ESRRG: variants seen among roughly 807,000 people sequenced by gnomAD.
ESRRG encodes the protein estrogen-related receptor gamma.
In ESRRG, 13 loss-of-function variants were observed where a neutral mutation model predicts 44.0. The observed-to-expected ratio is 0.30, with a 90% CI of 0.19 to 0.47. The LOEUF (loss-of-function observed/expected upper bound fraction) is 0.47. Ranked by LOEUF, ESRRG falls within the 20% of genes least tolerant of loss-of-function variation. The pLI, the probability that ESRRG is intolerant of heterozygous loss-of-function variation, is 1.00. For synonymous variants in ESRRG, 215 were observed against 214.6 expected (o/e 1.00, Z -0.02); for missense variants, 395 against 580.6 (o/e 0.68, Z 3.29).
chr1:216,745,476 C>A (rs1248131006), intron 2 of ESRRG, among the ~76,000 whole-genome samples: 1 of 152,186 alleles, frequency 6.6e-6, no homozygotes, highest in Non-Finnish European at 1.5e-5. Context: ...CAGGCATGAG[C>A]CACCATGCCC....
intron 1 of ESRRG, among the ~76,000 whole-genome samples, chr1:217,067,177 A>T (rs1029653095): frequency 6.6e-6 from 1 of 152,244 alleles, no homozygotes; most frequent in Non-Finnish European, 1.5e-5. Flanking sequence ...GATCCATAAG[A>T]ATTGATCCTT....
intron 2 of ESRRG, among the ~76,000 whole-genome samples, chr1:216,729,063 C>G: frequency 6.6e-6 from 1 of 152,156 alleles, no homozygotes; most frequent in Admixed American, 6.6e-5. Flanking sequence ...AGGGATGAGG[C>G]TTTGTACTGG....
At chr1:216,978,876 C>T (rs1323790084) in intron 1 of ESRRG, among the ~76,000 whole-genome samples, 2 of 152,082 alleles carry the variant, frequency 1.3e-5, no homozygotes, top group South Asian at 2.1e-4. Flanking sequence ...CCCCAGAGAG[C>T]TCAAATTCTG....
intron 1 of ESRRG, among the ~76,000 whole-genome samples, chr1:217,123,765 G>T (rs2092854371): frequency 6.6e-6 from 1 of 152,070 alleles, no homozygotes; most frequent in Non-Finnish European, 1.5e-5. Flanking sequence ...GGAGAGTAGG[G>T]GGGCAGCAAG....
chr1:216,627,170 A>G (rs2063321033), intron 3 of ESRRG, among the ~76,000 whole-genome samples: 1 of 152,224 alleles, frequency 6.6e-6, no homozygotes, highest in East Asian at 1.9e-4. Context: ...AATAATAAAC[A>G]TCTCGAATCC....
chr1:216,875,371 C>T (rs1169946216), intron 2 of ESRRG, among the ~76,000 whole-genome samples: 1 of 152,276 alleles, frequency 6.6e-6, no homozygotes, highest in African/African-American at 2.4e-5. Context: ...TCCCCTCAGA[C>T]CCTCTAAATC....
In ESRRG at chr1:216,507,016, G is replaced by A; in HGVS notation, c.1300C>T (p.His434Tyr). The A allele has an allele frequency of 6.2e-6, 10 of 1,614,148 alleles. No individual in the cohort carries two copies. The highest frequency in any genetic ancestry group is 8.5e-6 in the Non-Finnish European group (10 of 1,180,012). ...LRQTSTKAVQ[H>Y]FYNIKLEGKV... ...CCTTCTAGTTTGATGTTGTAGAAATGCTGCACGGCCTTGGTAGAGGTCTGC... is the reference window on the plus strand; with the variant it reads ...CCTTCTAGTTTGATGTTGTAGAAATACTGCACGGCCTTGGTAGAGGTCTGC... The change falls in exon 7 of 7, where the codon CAT (histidine) becomes TAT (tyrosine). Residue 434 changes from histidine (H) to tyrosine (Y), a missense_variant. By Grantham distance (83) the His-to-Tyr change is moderately conservative (BLOSUM62 2). Around this residue, in one of 5 missense-constraint regions of ESRRG, gnomAD observed 167 missense variants for 251.8 expected, o/e 0.66. Transcript: ENST00000408911.
At chr1:216,744,976 A>T (rs1243691880) in intron 2 of ESRRG, among the ~76,000 whole-genome samples, 1 of 152,178 alleles carries the variant, frequency 6.6e-6, no homozygotes, top group African/African-American at 2.4e-5. Flanking sequence ...AGAGTAGAAA[A>T]CAGAGTCTAA....
chr1:216,762,328 G>C (rs2092823774), intron 2 of ESRRG, among the ~76,000 whole-genome samples: 1 of 152,074 alleles, frequency 6.6e-6, no homozygotes, highest in East Asian at 1.9e-4. Context: ...ATGATAGACT[G>C]GATTAAGAAA....
chr1:216,668,250 T>C (rs2074398407), intron 2 of ESRRG, among the ~76,000 whole-genome samples: 1 of 149,758 alleles, frequency 6.7e-6, no homozygotes, highest in African/African-American at 2.4e-5. Flanking sequence ...TTAATTTTGT[T>C]TGCCTAATCT....
intron 5 of ESRRG, among the ~76,000 whole-genome samples, chr1:216,525,974 G>A (rs1414548532): frequency 3.9e-5 from 6 of 152,042 alleles, no homozygotes; most frequent in Non-Finnish European, 8.8e-5. Flanking sequence ...TAAAATTCAA[G>A]CCTCCAAAAT....
At chr1:216,933,837 C>T (rs1184585060) in intron 2 of ESRRG, among the ~76,000 whole-genome samples, 5 of 152,040 alleles carry the variant, frequency 3.3e-5, no homozygotes, top group Non-Finnish European at 5.9e-5. Context: ...ACTTGTATTC[C>T]TCAATTGCAT....
chr1:216,730,302 A>G (rs1286159388), intron 2 of ESRRG, among the ~76,000 whole-genome samples: 1 of 99,030 alleles, frequency 1.0e-5, no homozygotes, highest in African/African-American at 4.0e-5. Flanking sequence ...AAGCTTAGAA[A>G]GGTAAAAAAA....
intron 2 of ESRRG, among the ~76,000 whole-genome samples, chr1:216,808,427 T>C (rs2094866241): frequency 6.6e-6 from 1 of 152,116 alleles, no homozygotes; most frequent in African/African-American, 2.4e-5. Context: ...TTTATTTATA[T>C]ATGTATTTAC....
At position 216,648,881 on chromosome 1, in the gene ESRRG, G is replaced by C. The variant is rs550488110; in HGVS notation, c.589+2092C>G. On this transcript the variant is annotated intron_variant, in intron 3 of 6. Coordinates refer to ENST00000408911, the MANE Select transcript of ESRRG (RefSeq NM_001438.4). ...ATCACTCTTAATTCCCTTTGAATGAGCATAAGTTTAGTTTGAGTCTCTACA... is the reference window on the plus strand; with the variant it reads ...ATCACTCTTAATTCCCTTTGAATGACCATAAGTTTAGTTTGAGTCTCTACA... Among the ~76,000 whole-genome samples, 7 of 152,182 alleles carry C rather than the reference G, an allele frequency of 4.6e-5. No individual in the cohort carries two copies. The South Asian group carries it at 1.2e-3, about 27-fold the overall frequency.
At chr1:216,508,538 G>A (rs1261244551) in intron 6 of ESRRG, among the ~76,000 whole-genome samples, 2 of 152,180 alleles carry the variant, frequency 1.3e-5, no homozygotes, top group Non-Finnish European at 2.9e-5. Flanking sequence ...CCTGGAGCGG[G>A]ACTCAAGTCA....
In ESRRG at chr1:216,952,796, A is replaced by T. The variant is rs767489652; in HGVS notation, c.-105-13123T>A. ...ATTTTAAACTTCTTGCAACATTTCC[A>T]ACTGAGCCCCCAGATCTTTCCTGGC... On this transcript the variant is annotated intron_variant, in intron 1 of 7. Coordinates refer to the ESRRG transcript ENST00000359162. Among the ~76,000 whole-genome samples, 8 of 152,078 alleles carry T rather than the reference A, an allele frequency of 5.3e-5. 1 individual carries two copies. In the South Asian group the frequency reaches 1.7e-3, roughly 32 times the overall value.
chr1:216,777,377 C>T (rs1014925498), intron 2 of ESRRG, among the ~76,000 whole-genome samples: 1 of 152,126 alleles, frequency 6.6e-6, no homozygotes, highest in Non-Finnish European at 1.5e-5. Flanking sequence ...AACACGAAAA[C>T]TCTCTCAACA....
intron 2 of ESRRG, among the ~76,000 whole-genome samples, chr1:216,777,901 C>T (rs915128886): frequency 1.3e-5 from 2 of 152,092 alleles, no homozygotes; most frequent in African/African-American, 4.8e-5. Context: ...TCCATGCTGA[C>T]TTATGAAGAC....
Sources: gnomAD v4.1 joint callset for allele counts (sites outside exome capture counted in the v4.1 genomes callset) on GRCh38, gnomAD v4.1.1 for gene constraint, gnomAD v4.1.1 regional missense constraint, MANE v1.5 for transcripts, NCBI Gene and HGNC (gene_info 2026-07-23, HGNC 2026-07-21) for gene names.